The following PIK3C2G variants were observed in gnomAD, a reference collection of about 807,000 sequenced individuals.
PIK3C2G encodes the protein phosphatidylinositol 3-kinase C2 domain-containing subunit gamma.
PIK3C2G carries 168 observed loss-of-function variants against 181.1 expected under a neutral mutation model. That is an observed-to-expected ratio of 0.93 (90% CI 0.82 to 1.05). The LOEUF (loss-of-function observed/expected upper bound fraction) is 1.05. PIK3C2G is among the 50% of genes least tolerant of loss of function. The pLI is 0.00. For missense variants in PIK3C2G, 1,869 were observed against 1,732.8 expected (o/e 1.08, Z -1.40); for synonymous variants, 573 against 592.2 (o/e 0.97, Z 0.47).
At chr12:18,547,592 CA>C (rs1487902080) in intron 26 of PIK3C2G, among the ~76,000 whole-genome samples, 1 of 151,728 alleles carries the variant, frequency 6.6e-6, no homozygotes, top group East Asian at 1.9e-4. Flanking sequence ...TTCCAGTACT[CA>C]ATATTGGAAA....
intron 17 of PIK3C2G, among the ~76,000 whole-genome samples, chr12:18,422,395 A>T (rs60994149): frequency 0.13 from 20,294 of 152,056 alleles, 1,438 homozygotes; most frequent in African/African-American, 0.17. Flanking sequence ...AATTTCAAAC[A>T]TTCCAACACA....
chr12:18,325,706 C>CAAAAAAAAAAA (rs34711642), intron 8 of PIK3C2G, among the ~76,000 whole-genome samples: 33 of 61,612 alleles, frequency 5.4e-4, no homozygotes, highest in African/African-American at 1.7e-3. Context: ...GACTCAGTCT[C>CAAAAAAAAAAA]AAAAAAAAAA....
At chr12:18,477,649 C>A (rs904357748) in intron 18 of PIK3C2G, among the ~76,000 whole-genome samples, 1 of 152,106 alleles carries the variant, frequency 6.6e-6, no homozygotes, top group Non-Finnish European at 1.5e-5. Context: ...TGACAACGAA[C>A]GAGAATGCTG....
intron 24 of PIK3C2G, among the ~76,000 whole-genome samples, chr12:18,532,198 A>T (rs925522193): frequency 6.6e-6 from 1 of 152,010 alleles, no homozygotes; most frequent in African/African-American, 2.4e-5. Context: ...ACATCTCTTT[A>T]TCTCTTTTGC....
At chr12:18,649,784 A>G (rs1023226544), downstream of PIK3C2G, among the ~76,000 whole-genome samples, 12 of 152,162 alleles carry the variant, frequency 7.9e-5, no homozygotes, top group Non-Finnish European at 1.2e-4. Context: ...GAGTAACTCT[A>G]TCTTCCTGGA....
intron 18 of PIK3C2G, among the ~76,000 whole-genome samples, chr12:18,475,645 A>C (rs1406917557): frequency 6.6e-6 from 1 of 152,116 alleles, no homozygotes; most frequent in African/African-American, 2.4e-5. Flanking sequence ...ACAATATGAT[A>C]GAGAAACTCT....
rs764428202 is a variant in PIK3C2G at position 18,497,771 on chromosome 12, G to A, written c.3016+23G>A. On this transcript the variant is annotated intron_variant, in intron 22 of 32. Transcript: ENST00000538779. ...AAGGTCAGTATAGATTAGAAAGTGC[G>A]CTGGCTCACATTATTTATTTCACAC... The A allele has an allele frequency of 3.2e-6, 5 of 1,540,050 alleles. No individual in the cohort carries two copies. The African/African-American group carries it at 4.1e-5, about 13-fold the overall frequency.
At chr12:18,278,955 C>T (rs899558156) in intron 1 of PIK3C2G, among the ~76,000 whole-genome samples, 4 of 151,932 alleles carry the variant, frequency 2.6e-5, no homozygotes, top group African/African-American at 9.7e-5. Flanking sequence ...TCCTTTATCT[C>T]ATGATAATGA....
chr12:18,722,735 G>T, the PIK3C2G span, among the ~76,000 whole-genome samples: 1 of 151,928 alleles, frequency 6.6e-6, no homozygotes, highest in East Asian at 1.9e-4. Flanking sequence ...TAGCCTAAAT[G>T]GTCATTTAAT....
At chr12:18,472,464 A>C (rs1938549343) in intron 18 of PIK3C2G, among the ~76,000 whole-genome samples, 2 of 151,706 alleles carry the variant, frequency 1.3e-5, no homozygotes, top group Admixed American at 6.6e-5. Context: ...CCCTCTCCCT[A>C]CTCCCAACTA....
chr12:18,555,199 G>A (rs114224773), intron 26 of PIK3C2G, among the ~76,000 whole-genome samples: 4 of 152,010 alleles, frequency 2.6e-5, no homozygotes, highest in Admixed American at 1.3e-4. Context: ...ATTGAAATAC[G>A]CTGTCATAGA....
chr12:18,292,228 ATATATAT>A lies in PIK3C2G; in HGVS notation c.919+1217_919+1223del, dbSNP rs1450494183. On this transcript the variant is annotated intron_variant, in intron 4 of 32. Coordinates refer to ENST00000538779, the MANE Select transcript of PIK3C2G (RefSeq NM_001288772.2). ...TCCATCTCAAAAAAAAAAAAAAAAA[ATATATAT>A]ATATATATATATATATATATGGATT... Among the ~76,000 whole-genome samples the A allele has an allele frequency of 7.4e-3, 211 of 28,624 alleles. 10 individuals carry two copies. The highest frequency in any genetic ancestry group is 0.024 in the African/African-American group (202 of 8,546). 18.8% of individuals were successfully genotyped at this position (28,624 alleles called of 152,430 possible). A position where few individuals can be genotyped will look rare whatever the true frequency, so the allele number is the denominator to read the frequency against.
intron 24 of PIK3C2G, 33 bp downstream of exon 24, chr12:18,505,494 G>A (rs777620573): frequency 1.3e-6 from 2 of 1,557,670 alleles, no homozygotes; most frequent in Non-Finnish European, 1.8e-6. Flanking sequence ...CAGTAATTAA[G>A]CAGTGTCCTA....
intron 29 of PIK3C2G, among the ~76,000 whole-genome samples, chr12:18,581,994 G>A (rs1270355210): frequency 6.6e-6 from 1 of 152,120 alleles, no homozygotes; most frequent in Non-Finnish European, 1.5e-5. Context: ...AAGAAGAAGG[G>A]ATAATGAGCT....
the PIK3C2G span, among the ~76,000 whole-genome samples, chr12:18,694,471 G>T: frequency 6.6e-6 from 1 of 152,044 alleles, no homozygotes; most frequent in East Asian, 1.9e-4. Flanking sequence ...AGACATATGG[G>T]GGGAAGAATC....
the PIK3C2G span, among the ~76,000 whole-genome samples, chr12:18,689,401 C>T: frequency 1.1e-3 from 168 of 152,318 alleles, no homozygotes; most frequent in Non-Finnish European, 1.2e-3. Context: ...TGCGGCCCAA[C>T]GCAAATTCAT....
At chr12:18,291,286 A>G (rs1949682227) in intron 4 of PIK3C2G, among the ~76,000 whole-genome samples, 1 of 152,254 alleles carries the variant, frequency 6.6e-6, no homozygotes, top group Non-Finnish European at 1.5e-5. Context: ...AGTTTTTAAT[A>G]TATTAAAAAA....
At chr12:18,402,362 G>C (rs1461354421) in intron 16 of PIK3C2G, among the ~76,000 whole-genome samples, 2 of 152,074 alleles carry the variant, frequency 1.3e-5, no homozygotes, top group Non-Finnish European at 2.9e-5. Context: ...CAGTAACCCA[G>C]AGCGAGGGCA....
In PIK3C2G at chr12:18,342,284, T is replaced by G. The variant is rs1387507946; in HGVS notation, c.1396-1043T>G. ...AAATATTTTGCCTAATAGAAATGCT[T>G]CTGAAAAGGTTCATGCAAATGATGC... On this transcript the variant is annotated intron_variant, in intron 9 of 32. Coordinates refer to ENST00000538779, the MANE Select transcript of PIK3C2G (RefSeq NM_001288772.2). Among the ~76,000 whole-genome samples, 3 of 152,200 alleles carry G rather than the reference T, an allele frequency of 2.0e-5. No individual in the cohort carries two copies. In the East Asian group the frequency reaches 5.8e-4, roughly 29 times the overall value.
Sources: gnomAD v4.1 joint callset for allele counts (sites outside exome capture counted in the v4.1 genomes callset) on GRCh38, gnomAD v4.1.1 for gene constraint, MANE v1.5 for transcripts, NCBI Gene and HGNC (gene_info 2026-07-23, HGNC 2026-07-21) for gene names.